The following TTN variants were observed in gnomAD, a reference collection of about 807,000 sequenced individuals.
The protein encoded by TTN is titin.
Under a neutral mutation model 3,223.0 loss-of-function variants are expected in TTN, and 1,525 were observed. That is an observed-to-expected ratio of 0.47 (90% CI 0.45 to 0.49). The LOEUF (loss-of-function observed/expected upper bound fraction) is 0.49, where lower values mean the gene tolerates loss of function less well. Ranked by LOEUF, TTN falls within the 20% of genes least tolerant of loss-of-function variation. TTN has a pLI of 0.00. For missense variants in TTN, 40,786 were observed against 43,424.0 expected, an observed-to-expected ratio of 0.94 and a Z score of 5.40; for synonymous variants, 14,094 against 15,161.0, an observed-to-expected ratio of 0.93 and a Z score of 5.17.
chr2:178,714,413 A>T lies in TTN; in HGVS notation c.26361T>A (p.Tyr8787Ter). The T allele has an allele frequency of 6.2e-7, 1 of 1,613,810 alleles. No homozygotes were observed. The highest frequency in any genetic ancestry group is 1.1e-5 in the South Asian group (1 of 91,086). The change falls in exon 91 of 363, where the codon TAT (tyrosine) becomes TAA (stop). Residue 8787 changes from tyrosine (Y) to a stop codon, truncating the protein, a stop_gained. Transcript: ENST00000589042. LOFTEE classifies it high-confidence loss of function. ...VRESDNIWIS[Y>*]SENIATLQFS... Reference sequence around the variant, plus strand: ...ACTGTAAGGTTGCAATGTTTTCTGAATAAGAAATCCATATGTTGTCACTTT... The same window carrying T: ...ACTGTAAGGTTGCAATGTTTTCTGATTAAGAAATCCATATGTTGTCACTTT...
chr2:178,678,900 T>G (rs895828545), intron 142 of TTN, 70 bp from the exon 143 acceptor site: 5 of 1,266,302 alleles, frequency 3.9e-6, no homozygotes, highest in Middle Eastern at 1.9e-4. Context: ...GCTGGCAATG[T>G]AAGGCCTTAA....
rs373526624 is a variant in TTN, at chr2:178,607,095, C to T, written c.53507G>A (p.Arg17836His). 3.2e-4 allele frequency: 514 copies of T among 1,612,498 alleles called. 9 individuals carry two copies. In the South Asian group the frequency reaches 4.7e-3, roughly 15 times the overall value. The change falls in exon 278 of 363, where the codon CGT (arginine) becomes CAT (histidine). Residue 17836 changes from arginine to histidine, a missense_variant. Arg to His is a conservative substitution (Grantham distance 29). Transcript: ENST00000589042. Reference sequence around the variant, plus strand: ...GCCAAACTTGTTCTTGGCAATAACACGGAACTTATATTCTTGTCCCTCAAG... The same window carrying T: ...GCCAAACTTGTTCTTGGCAATAACATGGAACTTATATTCTTGTCCCTCAAG... ...GLLEGQEYKF[R>H]VIAKNKFGCG...
At position 178,545,821 on chromosome 2, in the gene TTN, G is replaced by T. The variant is rs587780983; in HGVS notation, c.95415C>A (p.Phe31805Leu). The T allele has an allele frequency of 4.8e-5, 78 of 1,612,596 alleles. No individual in the cohort carries two copies. In the Middle Eastern group the frequency reaches 1.8e-3, roughly 37 times the overall value. The change falls in exon 343 of 363, where the codon TTC becomes TTA. Residue 31805 changes from phenylalanine to leucine, a missense_variant and splice_region_variant. Coordinates refer to ENST00000589042, the MANE Select transcript of TTN (RefSeq NM_001267550.2). The part of the protein sequence containing the change: ...ESEPIVARNS[F>L]TIPSPPGIPE... ...TTATTTAAAAGTGTTAATACTTACT[G>T]AATGAGTTTCTGGCTACAATTGGCT...
intron 114 of TTN, 88 bp from the exon 115 acceptor site, chr2:178,695,498 A>G: frequency 2.0e-6 from 2 of 1,018,798 alleles, no homozygotes; most frequent in Non-Finnish European, 1.5e-6. Context: ...AGGTAAGGAT[A>G]ATATATAATC....
rs1286665675 is a variant in TTN, at chr2:178,536,004, G to A, written c.100743C>T (p.Gly33581=). The A allele has an allele frequency of 1.9e-6, 3 of 1,548,234 alleles. No individual in the cohort carries two copies. Among genetic ancestry groups the A allele is most frequent in the Non-Finnish European group, 2.6e-6 (3 of 1,149,152 alleles). Residue 33581 remains glycine (G), a synonymous_variant, in exon 357 of 363, where the codon GGC becomes GGT. Coordinates refer to ENST00000589042, the MANE Select transcript of TTN (RefSeq NM_001267550.2). ...RATNQGGSVS[G]TASLEVEVPA... is the part of the protein sequence containing the mutation. ...TACCTTCCACTTCCAAGGAGGCAGT[G>A]CCAGACACAGATCCCCCTTGGTTGG...
rs764678588 is a variant in TTN at position 178,694,000 on chromosome 2, C to A, written c.31435G>T (p.Val10479Leu). 6.2e-7 allele frequency: 1 copy of A among 1,610,360 alleles called. No individual in the cohort carries two copies. Among genetic ancestry groups the A allele is most frequent in the African/African-American group, 1.3e-5 (1 of 74,964 alleles). The change falls in exon 118 of 363, where the codon GTG becomes TTG. Residue 10479 changes from valine to leucine, a missense_variant. By Grantham distance (32) the Val-to-Leu change is conservative (BLOSUM62 1). Coordinates refer to ENST00000589042, the MANE Select transcript of TTN (RefSeq NM_001267550.2). ...GAAATAACCATCTTCTTTGTATGCACAGCTGGTACTTTAAAGAGAGTATTT... is the reference window on the plus strand; with the variant it reads ...GAAATAACCATCTTCTTTGTATGCAAAGCTGGTACTTTAAAGAGAGTATTT... ...EEVIEVKVPA[V>L]HTKKMVISEE...
intron 288 of TTN, 92 bp from the exon 289 acceptor site, chr2:178,599,942 A>C: frequency 8.2e-7 from 1 of 1,224,840 alleles, no homozygotes; most frequent in Non-Finnish European, 1.1e-6. Flanking sequence ...GTTTGGATCC[A>C]CTGTAGGCAG....
chr2:178,573,589 C>CT lies in TTN; in HGVS notation c.72542dup (p.Leu24182AlafsTer5), dbSNP rs1709014153. ...CTTTCAAGAGTTTAGTGACCTTTAG[C>CT]TTTGTTACTTGGACTTCTGAGGCTA... On this transcript the variant is annotated frameshift_variant, in exon 326 of 363. Coordinates refer to ENST00000589042, the MANE Select transcript of TTN (RefSeq NM_001267550.2). LOFTEE classifies it high-confidence loss of function. The CT allele has an allele frequency of 6.7e-7, 1 of 1,497,716 alleles. No individual in the cohort carries two copies. Among genetic ancestry groups the CT allele is most frequent in the Non-Finnish European group, 8.9e-7 (1 of 1,126,082 alleles). The allele number at this position is 1,497,716 out of a possible 1,614,324, so 92.8% of individuals were successfully genotyped here.
At position 178,565,756 on chromosome 2, in the gene TTN, C is replaced by T. The variant is rs1253014428; in HGVS notation, c.80376G>A (p.Val26792=). ...SPPGKVTLTD[V]SQTSASLMWE... is the part of the protein sequence containing the mutation. ...ACATAAGTGATGCACTGGTCTGGGACACATCAGTGAGTGTAACCTTTCCTG... is the reference window on the plus strand; with the variant it reads ...ACATAAGTGATGCACTGGTCTGGGATACATCAGTGAGTGTAACCTTTCCTG... Residue 26792 remains valine, a synonymous_variant, in exon 326 of 363, where the codon GTG becomes GTA. Coordinates refer to ENST00000589042, the MANE Select transcript of TTN (RefSeq NM_001267550.2). 1.2e-6 allele frequency: 2 copies of T among 1,613,464 alleles called. No individual in the cohort carries two copies. The highest frequency in any genetic ancestry group is 1.7e-6 in the Non-Finnish European group (2 of 1,179,636).
In TTN at chr2:178,601,700, T is replaced by G. The variant is rs565100137; in HGVS notation, c.55390A>C (p.Lys18464Gln). ...TGKYSITAKN[K>Q]AGQKTANCRV... Reference sequence around the variant, plus strand: ...CAATTTGCAGTCTTTTGTCCTGCTTTATTCTTGGCTGTGATGCTGTATTTG... The same window carrying G: ...CAATTTGCAGTCTTTTGTCCTGCTTGATTCTTGGCTGTGATGCTGTATTTG... The change falls in exon 286 of 363, where the codon AAA becomes CAA. Residue 18464 changes from lysine to glutamine, a missense_variant. Physicochemically the swap from Lys to Gln is moderately conservative, Grantham distance 53. Transcript: ENST00000589042. The G allele has an allele frequency of 2.9e-5, 46 of 1,608,816 alleles. No homozygotes were observed. In the South Asian group the frequency reaches 3.3e-4, roughly 12 times the overall value.
At chr2:178,616,407 A>G (rs2057352039) in intron 257 of TTN, 72 bp downstream of exon 257, 6 of 1,579,618 alleles carry the variant, frequency 3.8e-6, no homozygotes, top group Non-Finnish European at 5.1e-6. Flanking sequence ...AGACTTTTGT[A>G]TGGCATCCCA....
Position 178,620,705 on chromosome 2 carries a change from A to C in TTN, c.45895+10T>G, listed in dbSNP as rs373140286. On this transcript the variant is annotated intron_variant, in intron 247 of 362. Coordinates refer to ENST00000589042, the MANE Select transcript of TTN (RefSeq NM_001267550.2). ...ATGAAAAAATCTCTAGTGGTATATAAATTACTTACCTTCTACTATTAGATT... is the reference window on the plus strand; with the variant it reads ...ATGAAAAAATCTCTAGTGGTATATACATTACTTACCTTCTACTATTAGATT... The C allele has an allele frequency of 3.7e-6, 6 of 1,611,340 alleles. No individual in the cohort carries two copies. The South Asian group carries it at 4.4e-5, about 12-fold the overall frequency.
rs370547473 is a variant in TTN, at chr2:178,561,352, T to G, written c.84780A>C (p.Glu28260Asp). Residue 28260 changes from glutamate (E) to aspartate (D), a missense_variant, in exon 326 of 363, where the codon GAA becomes GAC. Physicochemically the swap from Glu to Asp is conservative, Grantham distance 45. Coordinates refer to ENST00000589042, the MANE Select transcript of TTN (RefSeq NM_001267550.2). Reference sequence around the variant, plus strand: ...CTGATTTTCTTGTGATATTTGTGACTTCAGGTTGTCCAGGAGGGTCACAAG... The same window carrying G: ...CTGATTTTCTTGTGATATTTGTGACGTCAGGTTGTCCAGGAGGGTCACAAG... ...RDPCDPPGQPEVTNITRKSVS... is the reference protein window; with the variant it reads ...RDPCDPPGQPDVTNITRKSVS... 29 of 1,613,736 alleles carry G rather than the reference T, an allele frequency of 1.8e-5. No homozygotes were observed. The Admixed American group carries it at 3.7e-4, about 20-fold the overall frequency.
chr2:178,709,711 T>C lies in TTN; in HGVS notation c.28608A>G (p.Pro9536=). The change falls in exon 99 of 363, where the codon CCA becomes CCG. Residue 9536 remains proline (P), a synonymous_variant. Coordinates refer to ENST00000589042, the MANE Select transcript of TTN (RefSeq NM_001267550.2). ...AWYKNNIEIQ[P]TSNCEITFKN... ...TGAATGTTATTTCACAGTTAGAAGTTGGTTGTATCTCTATATTATTTTTGT... is the reference window on the plus strand; with the variant it reads ...TGAATGTTATTTCACAGTTAGAAGTCGGTTGTATCTCTATATTATTTTTGT... The C allele has an allele frequency of 1.2e-6, 2 of 1,613,922 alleles. No individual in the cohort carries two copies. The highest frequency in any genetic ancestry group is 1.7e-6 in the Non-Finnish European group (2 of 1,179,814).
intron 222 of TTN, 86 bp downstream of exon 222, chr2:178,639,962 T>G (rs2061009103): frequency 6.5e-7 from 1 of 1,530,296 alleles, no homozygotes; most frequent in Non-Finnish European, 8.9e-7. Flanking sequence ...CATACTGACT[T>G]TCACCTACTA....
Position 178,547,026 on chromosome 2 carries a change from G to A in TTN, c.94499C>T (p.Pro31500Leu). ...GVSKASEASR[P>L]IMAQNPVDAP... Reference sequence around the variant, plus strand: ...ACCAACTGGATTTTGAGCCATTATAGGTCTTGAAGCTTCGCTGGCCTTGCT... The same window carrying A: ...ACCAACTGGATTTTGAGCCATTATAAGTCTTGAAGCTTCGCTGGCCTTGCT... Residue 31500 changes from proline to leucine, a missense_variant, in exon 340 of 363, where the codon CCT (proline) becomes CTT (leucine). Coordinates refer to ENST00000589042, the MANE Select transcript of TTN (RefSeq NM_001267550.2). The A allele has an allele frequency of 1.2e-6, 2 of 1,612,178 alleles. No individual in the cohort carries two copies. The highest frequency in any genetic ancestry group is 1.7e-6 in the Non-Finnish European group (2 of 1,178,580).
At chr2:178,728,845 GA>G (rs1179351122) in intron 65 of TTN, 45 bp downstream of exon 65, 1 of 1,572,024 alleles carries the variant, frequency 6.4e-7, no homozygotes, top group African/African-American at 1.4e-5. Flanking sequence ...GTCTGCTAAT[GA>G]AACTGTCGCT....
In TTN at chr2:178,579,154, T is replaced by C. The variant is rs763810229; in HGVS notation, c.67876A>G (p.Lys22626Glu). Residue 22626 changes from lysine (K) to glutamate (E), a missense_variant, in exon 320 of 363, where the codon AAG (lysine) becomes GAG (glutamate). By Grantham distance (56) the Lys-to-Glu change is moderately conservative. Coordinates refer to ENST00000589042, the MANE Select transcript of TTN (RefSeq NM_001267550.2). Reference sequence around the variant, plus strand: ...CCTTCCTTGGTGCCAGCAACATTCTTAAGTGTGATTGTGTATTTTCCAGCA... The same window carrying C: ...CCTTCCTTGGTGCCAGCAACATTCTCAAGTGTGATTGTGTATTTTCCAGCA... ...SDAGKYTITL[K>E]NVAGTKEGTI... 7.4e-6 allele frequency: 12 copies of C among 1,613,496 alleles called. No homozygotes were observed. Among genetic ancestry groups the C allele is most frequent in the Non-Finnish European group, 1.0e-5 (12 of 1,179,582 alleles).
Position 178,727,287 on chromosome 2 carries a change from C to A in TTN, c.20078G>T (p.Gly6693Val). 6.2e-7 allele frequency: 1 copy of A among 1,613,012 alleles called. No individual in the cohort carries two copies. Among genetic ancestry groups the A allele is most frequent in the South Asian group, 1.1e-5 (1 of 91,012 alleles). The change falls in exon 69 of 363, where the codon GGA becomes GTA. Residue 6693 changes from glycine to valine, a missense_variant. Transcript: ENST00000589042. ...DSSRLECKIA[G>V]SPEIRVVWFR... The stretch of plus-strand genomic sequence containing the variant: ...CCACACAACTCTGATTTCTGGGGAT[C>A]CAGCTATCTTGCATTCAAGTCGTGA...
Sources: allele counts gnomAD v4.1 joint callset, GRCh38; gene constraint gnomAD v4.1.1; transcripts MANE v1.5; gene names NCBI Gene and HGNC (gene_info 2026-07-23, HGNC 2026-07-21).